Variants in MERTK observed in about 807,000 individuals in gnomAD.
MERTK encodes tyrosine-protein kinase Mer.
In MERTK, 69 loss-of-function variants were observed where a neutral mutation model predicts 99.3. The ratio of observed to expected loss-of-function variants is 0.70; its 90% CI spans 0.57 to 0.85. The LOEUF (loss-of-function observed/expected upper bound fraction) is 0.85. Ranked by LOEUF, MERTK falls within the 40% of genes least tolerant of loss-of-function variation. The pLI is 0.00. For missense variants in MERTK, 1,125 were observed against 1,249.4 expected (o/e 0.90, Z 1.50); for synonymous variants, 426 against 467.6 (o/e 0.91, Z 1.15).
intron 2 of MERTK, among the ~76,000 whole-genome samples, chr2:111,930,820 G>T (rs75508922): frequency 0.24 from 35,782 of 152,056 alleles, 4,537 homozygotes; most frequent in South Asian, 0.32. Flanking sequence ...TTCTCTTCTT[G>T]CCACCCCTTT....
intron 7 of MERTK, among the ~76,000 whole-genome samples, chr2:111,980,113 C>G (rs1228997529): frequency 1.3e-5 from 2 of 152,202 alleles, no homozygotes; most frequent in African/African-American, 4.8e-5. Flanking sequence ...TCCTCTGTAG[C>G]CGCTCACTTC....
chr2:111,970,948 T>G (rs879822276), intron 6 of MERTK, among the ~76,000 whole-genome samples: 1 of 152,096 alleles, frequency 6.6e-6, no homozygotes, highest in Non-Finnish European at 1.5e-5. Context: ...TTAATAAAAT[T>G]TGTTCTCTTT....
At chr2:111,975,111 G>A (rs1056179381) in intron 6 of MERTK, among the ~76,000 whole-genome samples, 178 bp from the exon 7 acceptor site, 1 of 152,066 alleles carries the variant, frequency 6.6e-6, no homozygotes, top group Non-Finnish European at 1.5e-5. Context: ...GTTATTGTCC[G>A]AGGGCATGAG....
At chr2:111,969,418 T>G (rs1489095215) in intron 6 of MERTK, among the ~76,000 whole-genome samples, 1 of 152,218 alleles carries the variant, frequency 6.6e-6, no homozygotes, top group East Asian at 1.9e-4. Flanking sequence ...GCATCCTGCC[T>G]GGTACTTAAT....
intron 1 of MERTK, among the ~76,000 whole-genome samples, chr2:111,916,870 A>G (rs1215072833): frequency 1.3e-5 from 2 of 152,046 alleles, no homozygotes; most frequent in Non-Finnish European, 2.9e-5. Context: ...CGTTGCTGCC[A>G]GGTAGGGGTA....
In MERTK at chr2:111,977,144, T is replaced by A. The variant is rs1046922692; in HGVS notation, c.1144+1672T>A. ...CATTTTTTGGTCTTTATATTTTATCTGACATCATTCTCCTTCTTCCTGAAG... is the reference window on the plus strand; with the variant it reads ...CATTTTTTGGTCTTTATATTTTATCAGACATCATTCTCCTTCTTCCTGAAG... On this transcript the variant is annotated intron_variant, in intron 7 of 18. Coordinates refer to ENST00000295408, the MANE Select transcript of MERTK (RefSeq NM_006343.3). Among the ~76,000 whole-genome samples, 23 of 152,354 alleles carry A rather than the reference T, an allele frequency of 1.5e-4. 1 individual carries two copies. Among genetic ancestry groups the A allele is most frequent in the Admixed American group, 2.6e-4 (4 of 15,306 alleles).
chr2:112,028,454 G>A lies in MERTK; in HGVS notation c.2590G>A (p.Val864Ile), dbSNP rs557004700. The A allele has an allele frequency of 2.5e-5, 41 of 1,614,128 alleles. 1 individual carries two copies. Among genetic ancestry groups the A allele is most frequent in the Admixed American group, 1.5e-4 (9 of 60,014 alleles). Residue 864 changes from valine (V) to isoleucine (I), a missense_variant, in exon 19 of 19, where the codon GTT becomes ATT. Val to Ile is a conservative substitution (Grantham distance 29). Coordinates refer to ENST00000295408, the MANE Select transcript of MERTK (RefSeq NM_006343.3). The part of the protein sequence containing the change: ...LEKLLESLPD[V>I]RNQADVIYVN... ...AAAACTCTTAGAAAGTTTGCCTGAC[G>A]TTCGGAACCAAGCAGACGTTATTTA...
intron 1 of MERTK, among the ~76,000 whole-genome samples, chr2:111,906,631 G>A (rs923634913): frequency 3.3e-5 from 5 of 152,168 alleles, no homozygotes; most frequent in African/African-American, 1.2e-4. Flanking sequence ...TCCAATTAAC[G>A]GCAGGCTGCC....
At chr2:111,980,412 C>CTTTTTTTTTT (rs34831521) in intron 7 of MERTK, among the ~76,000 whole-genome samples, 1 of 100,980 alleles carries the variant, frequency 9.9e-6, no homozygotes, top group East Asian at 3.0e-4. Context: ...GCAACTATTT[C>CTTTTTTTTTT]TTTTTTTTTT....
chr2:112,007,311 C>A (rs867087025), intron 13 of MERTK, among the ~76,000 whole-genome samples: 2 of 152,162 alleles, frequency 1.3e-5, no homozygotes, highest in East Asian at 3.9e-4. Flanking sequence ...CCCGCCACCA[C>A]GCCCGCCTAA....
At chr2:111,914,330 T>C (rs1273550970) in intron 1 of MERTK, among the ~76,000 whole-genome samples, 7 of 152,096 alleles carry the variant, frequency 4.6e-5, no homozygotes, top group African/African-American at 1.7e-4. Flanking sequence ...CAGGCTGGAG[T>C]GCAATGGTGC....
At chr2:111,908,340 T>C (rs1292281632) in intron 1 of MERTK, among the ~76,000 whole-genome samples, 1 of 152,176 alleles carries the variant, frequency 6.6e-6, no homozygotes, top group Non-Finnish European at 1.5e-5. Flanking sequence ...CATCTTATTA[T>C]AAAATATTTA....
intron 10 of MERTK, among the ~76,000 whole-genome samples, chr2:111,998,718 C>T (rs1676801949): frequency 6.6e-6 from 1 of 152,172 alleles, no homozygotes; most frequent in African/African-American, 2.4e-5. Context: ...GAAGGAGCAG[C>T]ACATGCCACA....
At chr2:112,005,224 C>G (rs979169478) in intron 13 of MERTK, among the ~76,000 whole-genome samples, 3 of 152,050 alleles carry the variant, frequency 2.0e-5, no homozygotes, top group Non-Finnish European at 4.4e-5. Context: ...CCCACCAACA[C>G]GCCTGGCTAA....
intron 1 of MERTK, among the ~76,000 whole-genome samples, chr2:111,919,195 C>T (rs1027653433): frequency 6.6e-6 from 1 of 152,150 alleles, no homozygotes; most frequent in African/African-American, 2.4e-5. Flanking sequence ...AAACCTGGGC[C>T]CTCTGCATGA....
At chr2:111,901,835 A>G (rs1482682113) in intron 1 of MERTK, among the ~76,000 whole-genome samples, 1 of 152,106 alleles carries the variant, frequency 6.6e-6, no homozygotes, top group Non-Finnish European at 1.5e-5. Context: ...GATTATAGGC[A>G]TGAGCCACCA....
At chr2:111,971,722 A>G (rs1676123166) in intron 6 of MERTK, among the ~76,000 whole-genome samples, 1 of 152,234 alleles carries the variant, frequency 6.6e-6, no homozygotes, top group Non-Finnish European at 1.5e-5. Context: ...TTTATGACCT[A>G]AGTCCTATCC....
At chr2:111,934,094 T>C (rs1278974624) in intron 2 of MERTK, among the ~76,000 whole-genome samples, 1 of 152,194 alleles carries the variant, frequency 6.6e-6, no homozygotes, top group East Asian at 1.9e-4. Context: ...GGCATATATG[T>C]GTCACATTTT....
intron 1 of MERTK, among the ~76,000 whole-genome samples, chr2:111,902,229 T>C (rs1305315550): frequency 6.6e-6 from 1 of 152,218 alleles, no homozygotes; most frequent in Non-Finnish European, 1.5e-5. Context: ...AATTTCCAGA[T>C]AATTGTAGAA....
Sources: gnomAD v4.1 joint callset for allele counts (sites outside exome capture counted in the v4.1 genomes callset) on GRCh38, gnomAD v4.1.1 for gene constraint, MANE v1.5 for transcripts, NCBI Gene and HGNC (gene_info 2026-07-23, HGNC 2026-07-21) for gene names.